The following DZIP3 variants were observed in gnomAD, a reference collection of about 807,000 sequenced individuals.
The protein encoded by DZIP3 is DAZ interacting zinc finger protein 3.
In DZIP3, 118 loss-of-function variants were observed where a neutral mutation model predicts 162.0. The observed-to-expected ratio is 0.73, with a 90% CI of 0.63 to 0.85. The LOEUF is 0.85. Among genes scored for constraint, DZIP3 ranks in the 40% least tolerant of loss-of-function variants. The probability of loss-of-function intolerance (pLI) is 0.00; values close to 1 mark genes in which losing one functional copy is unlikely to be tolerated. For synonymous variants in DZIP3, 438 were observed against 458.6 expected, an observed-to-expected ratio of 0.96 and a Z score of 0.57; for missense variants, 1,331 against 1,407.0, an observed-to-expected ratio of 0.95 and a Z score of 0.86.
intron 8 of DZIP3, among the ~76,000 whole-genome samples, chr3:108,632,333 G>C (rs2107600450): frequency 6.6e-6 from 1 of 152,262 alleles, no homozygotes; most frequent in Non-Finnish European, 1.5e-5. Flanking sequence ...TTGAACTCCT[G>C]GGCTCAAGCA....
chr3:108,658,270 C>T lies in DZIP3; in HGVS notation c.2200-3607C>T, dbSNP rs565970916. Among the ~76,000 whole-genome samples, 3 of 152,252 alleles carry T rather than the reference C, an allele frequency of 2.0e-5. No homozygotes were observed. The South Asian group carries it at 6.2e-4, about 32-fold the overall frequency. The stretch of plus-strand genomic sequence containing the variant: ...GCACTCCTCAGCAAATGTAAAAGAA[C>T]AGAAATTATAACAAACTGTCTCTCA... On this transcript the variant is annotated intron_variant, in intron 19 of 32. Transcript: ENST00000361582.
intron 21 of DZIP3, among the ~76,000 whole-genome samples, chr3:108,666,506 A>G (rs1234801559): frequency 6.6e-6 from 1 of 152,190 alleles, no homozygotes; most frequent in Non-Finnish European, 1.5e-5. Flanking sequence ...CAGCAAGGAT[A>G]TAGAAGACCT....
intron 22 of DZIP3, among the ~76,000 whole-genome samples, chr3:108,671,681 T>C (rs1159450706): frequency 1.3e-5 from 2 of 151,970 alleles, no homozygotes; most frequent in Non-Finnish European, 2.9e-5. Context: ...GTTGCTATCA[T>C]TGGGATACAA....
chr3:108,636,036 T>A (rs1942132686), intron 10 of DZIP3, among the ~76,000 whole-genome samples: 2 of 151,848 alleles, frequency 1.3e-5, no homozygotes, highest in Admixed American at 1.3e-4. Flanking sequence ...TTTCATAGGG[T>A]TTTTGTAAGA....
In DZIP3 at chr3:108,677,620, A is replaced by G. The variant is rs756981266; in HGVS notation, c.2883+22A>G. The G allele has an allele frequency of 4.4e-6, 7 of 1,593,438 alleles. No individual in the cohort carries two copies. In the South Asian group the frequency reaches 4.4e-5, roughly 10 times the overall value. Reference sequence around the variant, plus strand: ...ACTGGTAAGAAATACAACATTTTGAATAATTGCCCTTTTCATTTTGACAAA... The same window carrying G: ...ACTGGTAAGAAATACAACATTTTGAGTAATTGCCCTTTTCATTTTGACAAA... On this transcript the variant is annotated intron_variant, in intron 26 of 32. Coordinates refer to ENST00000361582, the MANE Select transcript of DZIP3 (RefSeq NM_014648.4).
chr3:108,598,755 T>C (rs1326900064), intron 1 of DZIP3, among the ~76,000 whole-genome samples: 1 of 152,220 alleles, frequency 6.6e-6, no homozygotes, highest in Non-Finnish European at 1.5e-5. Flanking sequence ...CAACATAATA[T>C]TTTTAAATTG....
intron 24 of DZIP3, among the ~76,000 whole-genome samples, chr3:108,675,271 G>A (rs1394714018): frequency 1.3e-5 from 2 of 152,032 alleles, no homozygotes; most frequent in East Asian, 3.9e-4. Context: ...CTATATAAAG[G>A]CAGCAACCTC....
chr3:108,608,421 A>G (rs77185868), intron 3 of DZIP3, among the ~76,000 whole-genome samples: 2,907 of 152,250 alleles, frequency 0.019, 101 homozygotes, highest in African/African-American at 0.067. Context: ...TCCAGAAATA[A>G]CCCAACAATC....
At chr3:108,648,694 A>G (rs1184039134) in intron 16 of DZIP3, 7 of 238,050 alleles carry the variant, frequency 2.9e-5, no homozygotes, top group African/African-American at 1.7e-4. Flanking sequence ...ACTTATTGAC[A>G]TTATGTGTTG....
At chr3:108,680,037 C>T (rs1320367902) in intron 26 of DZIP3, among the ~76,000 whole-genome samples, 1 of 151,908 alleles carries the variant, frequency 6.6e-6, no homozygotes, top group Non-Finnish European at 1.5e-5. Context: ...GAAAGAAGGA[C>T]AAAAACCATA....
chr3:108,592,506 C>T (rs1001954571), intron 1 of DZIP3, among the ~76,000 whole-genome samples: 1 of 151,880 alleles, frequency 6.6e-6, no homozygotes, highest in Non-Finnish European at 1.5e-5. Context: ...CCAGCTTGGG[C>T]AATATGGTGA....
At chr3:108,677,431 T>G in intron 25 of DZIP3, 66 bp from the exon 26 acceptor site, 2 of 1,294,438 alleles carry the variant, frequency 1.5e-6, no homozygotes, top group Non-Finnish European at 2.2e-6. Flanking sequence ...CTACATCAGA[T>G]ATTCCCATAT....
intron 32 of DZIP3, among the ~76,000 whole-genome samples, chr3:108,692,345 C>G (rs9824478): frequency 0.019 from 2,893 of 152,186 alleles, 99 homozygotes; most frequent in African/African-American, 0.067. Flanking sequence ...TACAGCTTCC[C>G]ATGGGCTAAA....
At chr3:108,639,600 G>A (rs908588619) in intron 12 of DZIP3, among the ~76,000 whole-genome samples, 3 of 151,320 alleles carry the variant, frequency 2.0e-5, no homozygotes, top group African/African-American at 7.3e-5. Flanking sequence ...TCAGTTTTCT[G>A]GTTTCTTCAG....
At chr3:108,680,687 G>C (rs1944273755) in intron 26 of DZIP3, among the ~76,000 whole-genome samples, 1 of 151,932 alleles carries the variant, frequency 6.6e-6, no homozygotes, top group Non-Finnish European at 1.5e-5. Context: ...AGAATTCAAG[G>C]AAATGCAAAC....
intron 21 of DZIP3, among the ~76,000 whole-genome samples, chr3:108,663,922 T>C (rs1943557930): frequency 6.6e-6 from 1 of 152,220 alleles, no homozygotes; most frequent in African/African-American, 2.4e-5. Flanking sequence ...TATGATCTAA[T>C]GGAGAGTGTA....
intron 10 of DZIP3, 47 bp from the exon 11 acceptor site, chr3:108,636,569 A>C: frequency 8.7e-7 from 1 of 1,146,362 alleles, no homozygotes; most frequent in Non-Finnish European, 1.2e-6. Flanking sequence ...AGATTTGCAC[A>C]TCAGTGATTT....
intron 12 of DZIP3, among the ~76,000 whole-genome samples, chr3:108,637,754 A>G (rs1489469849): frequency 6.6e-6 from 1 of 152,172 alleles, no homozygotes; most frequent in Admixed American, 6.5e-5. Context: ...TGGAGAAATT[A>G]TGTGAATACT....
chr3:108,684,497 T>A (rs1004811917), intron 27 of DZIP3, among the ~76,000 whole-genome samples, 156 bp downstream of exon 27: 27 of 152,142 alleles, frequency 1.8e-4, no homozygotes, highest in African/African-American at 6.5e-4. Flanking sequence ...AGCACTGTGC[T>A]CAGGGTGTTA....
Sources: gnomAD v4.1 joint callset for allele counts (sites outside exome capture counted in the v4.1 genomes callset) on GRCh38, gnomAD v4.1.1 for gene constraint, MANE v1.5 for transcripts, NCBI Gene and HGNC (gene_info 2026-07-23, HGNC 2026-07-21) for gene names.